The following SPSB4 variants were observed in gnomAD, a reference collection of about 807,000 sequenced individuals.
The protein encoded by SPSB4 is SPRY domain-containing SOCS box protein 4.
Under a neutral mutation model 20.9 loss-of-function variants are expected in SPSB4, and 21 were observed. The observed-to-expected ratio is 1.01, with a 90% confidence interval of 0.71 to 1.45. SPSB4 has a LOEUF of 1.45. SPSB4 is among the 40% of genes most tolerant of loss of function. SPSB4 has a pLI of 0.00. For synonymous variants in SPSB4, 207 were observed against 183.8 expected, an observed-to-expected ratio of 1.13 and a Z score of -1.02; for missense variants, 399 against 399.2, an observed-to-expected ratio of 1.00 and a Z score of 0.00.
chr3:141,103,015 A>G (rs1938636164), intron 2 of SPSB4, among the ~76,000 whole-genome samples: 1 of 152,210 alleles, frequency 6.6e-6, no homozygotes, highest in African/African-American at 2.4e-5. Context: ...ACTTACAAAA[A>G]AAGGAATGGC....
At chr3:141,132,019 TTGGTTTCTTAATTTCAACAGG>T (rs1257292901) in intron 2 of SPSB4, among the ~76,000 whole-genome samples, 17 of 152,294 alleles carry the variant, frequency 1.1e-4, no homozygotes, top group African/African-American at 4.1e-4. Flanking sequence ...TTTCAAGTTT[TTGGTTTCTTAATTTCAACAGG>T]TGGTTTTTGA....
At position 141,123,249 on chromosome 3, in the gene SPSB4, C is replaced by T. The variant is rs144566294; in HGVS notation, c.695-23893C>T. 4.1e-3 allele frequency among the ~76,000 whole-genome samples: 629 copies of T among 152,342 alleles called. 8 individuals carry two copies. The highest frequency in any genetic ancestry group is 0.014 in the African/African-American group (583 of 41,572). Reference sequence around the variant, plus strand: ...TTACCCCTTTATAATTTAATGCATACCCATGAATCTACCACCCTACCCAGT... The same window carrying T: ...TTACCCCTTTATAATTTAATGCATATCCATGAATCTACCACCCTACCCAGT... On this transcript the variant is annotated intron_variant, in intron 2 of 2. Coordinates refer to ENST00000310546, the MANE Select transcript of SPSB4 (RefSeq NM_080862.3).
intron 2 of SPSB4, among the ~76,000 whole-genome samples, chr3:141,070,625 C>T (rs1170237678): frequency 6.6e-6 from 1 of 152,208 alleles, no homozygotes; most frequent in African/African-American, 2.4e-5. Context: ...GCAATCCTTC[C>T]ACCTCTGCCT....
chr3:141,120,039 C>T (rs1462453791), intron 2 of SPSB4, among the ~76,000 whole-genome samples: 2 of 152,176 alleles, frequency 1.3e-5, no homozygotes, highest in African/African-American at 2.4e-5. Context: ...CCTGCTTCCT[C>T]TTGTGGGCAT....
chr3:141,080,763 C>T (rs921798294), intron 2 of SPSB4, among the ~76,000 whole-genome samples: 1 of 152,234 alleles, frequency 6.6e-6, no homozygotes, highest in African/African-American at 2.4e-5. Flanking sequence ...CAGGCAACCT[C>T]CCTTGGATAT....
At chr3:141,095,265 G>A (rs971234166) in intron 2 of SPSB4, among the ~76,000 whole-genome samples, 15 of 152,176 alleles carry the variant, frequency 9.9e-5, no homozygotes, top group Admixed American at 2.6e-4. Context: ...GCATGTTCAG[G>A]AAGGGATTTC....
At chr3:141,095,586 G>A (rs1938534674) in intron 2 of SPSB4, among the ~76,000 whole-genome samples, 1 of 152,052 alleles carries the variant, frequency 6.6e-6, no homozygotes, top group African/African-American at 2.4e-5. Context: ...ACTTTTCTCT[G>A]TGAGAAGGAT....
chr3:141,147,296 C>A lies in SPSB4; in HGVS notation c.*27C>A. On this transcript the variant is annotated 3_prime_UTR_variant, in exon 3 of 3. Transcript: ENST00000310546. ...CCAAGCCTGATGGGCAGCACAGACA[C>A]AGACACACACCGCAGGGCCCGACCC... 1 of 1,613,590 alleles carries A rather than the reference C, an allele frequency of 6.2e-7. No homozygotes were observed. Among genetic ancestry groups the A allele is most frequent in the Non-Finnish European group, 8.5e-7 (1 of 1,179,628 alleles).
chr3:141,122,211 C>T (rs571212631), intron 2 of SPSB4, among the ~76,000 whole-genome samples: 1 of 152,296 alleles, frequency 6.6e-6, no homozygotes, highest in Non-Finnish European at 1.5e-5. Flanking sequence ...TGGAGGTCTA[C>T]TCCAGACCCT....
intron 2 of SPSB4, among the ~76,000 whole-genome samples, chr3:141,090,492 A>C (rs1342536107): frequency 1.3e-5 from 2 of 152,294 alleles, no homozygotes; most frequent in African/African-American, 4.8e-5. Flanking sequence ...GGAGAAAGTG[A>C]TATTTAAGCA....
chr3:141,061,716 TTTTC>T lies in SPSB4; in HGVS notation c.-153-4231_-153-4228del, dbSNP rs1937765878. Among the ~76,000 whole-genome samples the T allele has an allele frequency of 5.5e-5, 8 of 145,064 alleles. No homozygotes were observed. In the South Asian group the frequency reaches 1.7e-3, roughly 31 times the overall value. ...TATCCTTTTTCTTCTCTTTCTTTCT[TTTTC>T]TTTCCTTTTCTTTCTTTCTTTTTTT... On this transcript the variant is annotated intron_variant, in intron 1 of 2. Transcript: ENST00000310546.
chr3:141,134,042 T>TTTTTTTTC (rs1559856601), intron 2 of SPSB4, among the ~76,000 whole-genome samples: 4 of 136,768 alleles, frequency 2.9e-5, no homozygotes, highest in African/African-American at 8.4e-5. Flanking sequence ...TTTCTTTTTT[T>TTTTTTTTC]TTTTTTCTTT....
chr3:141,086,598 A>G (rs1028880480), intron 2 of SPSB4, among the ~76,000 whole-genome samples: 5 of 152,204 alleles, frequency 3.3e-5, no homozygotes, highest in African/African-American at 1.2e-4. Context: ...CAGGTCTGGG[A>G]TAAGATCCAG....
chr3:141,119,755 A>T (rs543571670), intron 2 of SPSB4, among the ~76,000 whole-genome samples: 17 of 152,148 alleles, frequency 1.1e-4, no homozygotes, highest in African/African-American at 4.1e-4. Context: ...ATCAGTGGTG[A>T]TATCCCCTTT....
At chr3:141,076,554 G>T (rs781639768) in intron 2 of SPSB4, among the ~76,000 whole-genome samples, 3 of 152,322 alleles carry the variant, frequency 2.0e-5, no homozygotes, top group Non-Finnish European at 4.4e-5. Flanking sequence ...AGCACCCTAT[G>T]CAGCATAGCT....
chr3:141,087,860 TG>T (rs1279291233), intron 2 of SPSB4, among the ~76,000 whole-genome samples: 1 of 151,902 alleles, frequency 6.6e-6, no homozygotes, highest in Non-Finnish European at 1.5e-5. Flanking sequence ...GTGGTAGGGG[TG>T]GGGAGTGGTG....
Position 141,098,830 on chromosome 3 carries a change from A to G in SPSB4, c.694+32032A>G, listed in dbSNP as rs2107794541. Among the ~76,000 whole-genome samples the G allele has an allele frequency of 1.3e-5, 2 of 152,334 alleles. 1 individual carries two copies. Among genetic ancestry groups the G allele is most frequent in the Admixed American group, 1.3e-4 (2 of 15,298 alleles). On this transcript the variant is annotated intron_variant, in intron 2 of 2. Transcript: ENST00000310546. ...TTAGTTCATTTTCTGCTGCTAGAAT[A>G]GAATTCCAAAGACTGGGTAATTTAT...
At chr3:141,102,353 G>A (rs977071100) in intron 2 of SPSB4, among the ~76,000 whole-genome samples, 3 of 152,156 alleles carry the variant, frequency 2.0e-5, no homozygotes, top group Non-Finnish European at 4.4e-5. Flanking sequence ...ACATACAACC[G>A]ATTACAGAAA....
chr3:141,125,223 C>T (rs1939033643), intron 2 of SPSB4, among the ~76,000 whole-genome samples: 1 of 152,140 alleles, frequency 6.6e-6, no homozygotes, highest in African/African-American at 2.4e-5. Context: ...CTCTAACTTT[C>T]ACAGGTATGA....
Sources: gnomAD v4.1 joint callset for allele counts (sites outside exome capture counted in the v4.1 genomes callset) on GRCh38, gnomAD v4.1.1 for gene constraint, MANE v1.5 for transcripts, NCBI Gene and HGNC (gene_info 2026-07-23, HGNC 2026-07-21) for gene names.